Variants in RYR2 observed in about 807,000 individuals in gnomAD.
RYR2 encodes the protein cardiac muscle ryanodine receptor-calcium release channel.
RYR2 carries 227 observed loss-of-function variants against 601.1 expected under a neutral mutation model. The ratio of observed to expected loss-of-function variants is 0.38; its 90% CI spans 0.34 to 0.42. RYR2 has a LOEUF of 0.42. Ranked by LOEUF, RYR2 falls within the 10% of genes least tolerant of loss-of-function variation. The pLI, the probability that RYR2 is intolerant of heterozygous loss-of-function variation, is 1.00. For synonymous variants in RYR2, 2,223 were observed against 2,175.1 expected (o/e 1.02, Z -0.61); for missense variants, 4,646 against 6,156.5 (o/e 0.75, Z 8.21).
intron 17 of RYR2, among the ~76,000 whole-genome samples, chr1:237,478,292 T>C (rs1319085704): frequency 6.6e-6 from 1 of 152,222 alleles, no homozygotes; most frequent in African/African-American, 2.4e-5. Flanking sequence ...CTCCACCGTT[T>C]ATATAATAGC....
At chr1:237,747,001 A>G (rs908325709) in intron 80 of RYR2, among the ~76,000 whole-genome samples, 1 of 152,198 alleles carries the variant, frequency 6.6e-6, no homozygotes, top group Admixed American at 6.5e-5. Context: ...ACTCAGAAAC[A>G]TTCTTTAGAT....
intron 89 of RYR2, 58 bp from the exon 90 acceptor site, chr1:237,783,596 AAGATCTACATTGTTATCTTCT>A: frequency 3.7e-6 from 3 of 810,824 alleles, no homozygotes; most frequent in African/African-American, 1.7e-5. Flanking sequence ...GATGTTATTA[AAGATCTACATTGTTATCTTCT>A]GTATGATCAC....
At chr1:237,327,955 G>T (rs1696322387) in intron 2 of RYR2, among the ~76,000 whole-genome samples, 1 of 152,182 alleles carries the variant, frequency 6.6e-6, no homozygotes, top group African/African-American at 2.4e-5. Flanking sequence ...AGGATATGCT[G>T]ATTCTAAAGC....
chr1:237,781,031 A>G (rs555817433), intron 88 of RYR2, among the ~76,000 whole-genome samples: 5 of 152,006 alleles, frequency 3.3e-5, no homozygotes, highest in Non-Finnish European at 5.9e-5. Context: ...ATTGCTATAT[A>G]TGTTCATTGT....
At chr1:237,386,266 G>T (rs1269106078) in intron 8 of RYR2, among the ~76,000 whole-genome samples, 4 of 152,188 alleles carry the variant, frequency 2.6e-5, no homozygotes, top group Non-Finnish European at 5.9e-5. Context: ...TTAAGAGAAA[G>T]AGAGTGAACG....
chr1:237,642,904 C>T (rs1270053540), intron 47 of RYR2, among the ~76,000 whole-genome samples: 1 of 152,114 alleles, frequency 6.6e-6, no homozygotes, highest in Non-Finnish European at 1.5e-5. Flanking sequence ...AAGAAAGAAG[C>T]TAATTTGGTC....
At position 237,602,029 on chromosome 1, in the gene RYR2, A is replaced by G; in HGVS notation, c.4601A>G (p.Glu1534Gly). The G allele has an allele frequency of 2.5e-6, 4 of 1,611,842 alleles. No individual in the cohort carries two copies. The highest frequency in any genetic ancestry group is 3.4e-6 in the Non-Finnish European group (4 of 1,178,738). Reference protein sequence around the residue: ...GKELSTYYQVEPSTKLFPAVF... With the variant: ...GKELSTYYQVGPSTKLFPAVF... ...AATTCATTAAATGTATTTCAGGTGGAACCGAGTACAAAATTATTTCCTGCG... is the reference window on the plus strand; with the variant it reads ...AATTCATTAAATGTATTTCAGGTGGGACCGAGTACAAAATTATTTCCTGCG... The change falls in exon 35 of 105, where the codon GAA (glutamate) becomes GGA (glycine). Residue 1534 changes from glutamate (E) to glycine (G), a missense_variant. Glu to Gly is a moderately conservative substitution (Grantham distance 98, BLOSUM62 -2). Coordinates refer to ENST00000366574, the MANE Select transcript of RYR2 (RefSeq NM_001035.3).
chr1:237,574,348 T>C (rs1673012524), intron 29 of RYR2, among the ~76,000 whole-genome samples: 1 of 151,984 alleles, frequency 6.6e-6, no homozygotes, highest in Non-Finnish European at 1.5e-5. Flanking sequence ...GGGAAAGAGG[T>C]TGCAGTGTTC....
intron 1 of RYR2, among the ~76,000 whole-genome samples, chr1:237,157,488 T>A (rs892231516): frequency 2.0e-5 from 3 of 152,118 alleles, no homozygotes; most frequent in African/African-American, 7.2e-5. Context: ...TCAGTCTAAG[T>A]GTCCATCAAT....
rs267598440 is a variant in RYR2, at chr1:237,784,585, C to T, written c.12873C>T (p.Phe4291=). The T allele has an allele frequency of 6.2e-7, 1 of 1,613,996 alleles. No individual in the cohort carries two copies. Among genetic ancestry groups the T allele is most frequent in the Non-Finnish European group, 8.5e-7 (1 of 1,179,880 alleles). The part of the protein sequence containing the change: ...TAFFSSYWSI[F]MTLLHFVASV... The stretch of plus-strand genomic sequence containing the variant: ...TCTTTTCATCCTACTGGAGTATTTT[C>T]ATGACCCTCTTGCACTTCGTGGCCA... Residue 4291 remains phenylalanine, a synonymous_variant, in exon 90 of 105, where the codon TTC becomes TTT. Transcript: ENST00000366574. This position sits in a 1 kb window ranked among gnomAD's most constrained non-coding sequence, Gnocchi z 7.1.
At chr1:237,345,135 G>A (rs1422303270) in intron 3 of RYR2, among the ~76,000 whole-genome samples, 6 of 152,042 alleles carry the variant, frequency 3.9e-5, no homozygotes, top group Non-Finnish European at 8.8e-5. Flanking sequence ...GTTACATAAT[G>A]TCTGTCTCTG....
At position 237,511,777 on chromosome 1, in the gene RYR2, G is replaced by A. The variant is rs1057521205; in HGVS notation, c.2808G>A (p.Ser936=). The A allele has an allele frequency of 8.2e-5, 122 of 1,479,066 alleles. No homozygotes were observed. Among genetic ancestry groups the A allele is most frequent in the Non-Finnish European group, 1.0e-4 (113 of 1,097,896 alleles). 91.6% of individuals were successfully genotyped at this position (1,479,066 alleles called of 1,614,324 possible). The part of the protein sequence containing the change: ...EQERNYNLQM[S]LETLKTLLAL... ...AGCGCAATTACAACTTACAAATGTC[G>A]CTTGAGACCCTGAAGTGAGTTTCTT... Residue 936 remains serine (S), a synonymous_variant, in exon 24 of 105, where the codon TCG becomes TCA. Coordinates refer to ENST00000366574, the MANE Select transcript of RYR2 (RefSeq NM_001035.3).
chr1:237,828,959 C>T (rs1026242115), intron 102 of RYR2, among the ~76,000 whole-genome samples: 6 of 152,100 alleles, frequency 3.9e-5, no homozygotes, highest in African/African-American at 4.8e-5. Flanking sequence ...TGGACATCTC[C>T]AGGGGTACCA....
intron 1 of RYR2, among the ~76,000 whole-genome samples, chr1:237,119,460 G>A (rs1379284630): frequency 6.6e-6 from 1 of 152,118 alleles, no homozygotes; most frequent in Non-Finnish European, 1.5e-5. Flanking sequence ...TCTCATCTTG[G>A]TGCACCTGCG....
intron 51 of RYR2, 65 bp downstream of exon 51, chr1:237,651,566 A>G: frequency 9.9e-7 from 1 of 1,010,206 alleles, no homozygotes; most frequent in Non-Finnish European, 1.5e-6. Context: ...TTCTATGACA[A>G]CATATACATT....
intron 20 of RYR2, among the ~76,000 whole-genome samples, chr1:237,499,656 A>G (rs1312078518): frequency 7.4e-6 from 1 of 135,080 alleles, no homozygotes; most frequent in Non-Finnish European, 1.6e-5. Context: ...GAATATTGGT[A>G]AAATAGAAAG....
At position 237,053,673 on chromosome 1, in the gene RYR2, C is replaced by T. The variant is rs1261302024; in HGVS notation, c.48+11104C>T. Among the ~76,000 whole-genome samples, 4 of 152,192 alleles carry T rather than the reference C, an allele frequency of 2.6e-5. No homozygotes were observed. In the East Asian group the frequency reaches 7.7e-4, roughly 29 times the overall value. ...GCCATGCTTCTTGCTGGACTTATAT[C>T]CACGCTTGTCCTGCCTTTAAAGAGC... On this transcript the variant is annotated intron_variant, in intron 1 of 104. Coordinates refer to ENST00000366574, the MANE Select transcript of RYR2 (RefSeq NM_001035.3).
intron 1 of RYR2, among the ~76,000 whole-genome samples, chr1:237,199,195 G>C (rs1395361242): frequency 6.6e-6 from 1 of 152,282 alleles, no homozygotes; most frequent in African/African-American, 2.4e-5. Context: ...GAACTAACAG[G>C]ATAGATGTAT....
At chr1:237,748,924 A>G (rs2685291) in intron 80 of RYR2, among the ~76,000 whole-genome samples, 80,120 of 152,060 alleles carry the variant, frequency 0.53, 22,630 homozygotes, top group East Asian at 0.82. Context: ...TAACATTTAC[A>G]TTGTGTATTA....
Sources: allele counts gnomAD v4.1 joint callset (sites outside exome capture counted in the v4.1 genomes callset), GRCh38; gene constraint gnomAD v4.1.1; non-coding constraint Gnocchi (gnomAD v3.1); transcripts MANE v1.5; gene names NCBI Gene and HGNC (gene_info 2026-07-23, HGNC 2026-07-21).